Variants in OTUD7A observed in about 807,000 individuals in gnomAD.
The protein encoded by OTUD7A is OTU domain-containing protein 7A.
OTUD7A carries 12 observed loss-of-function variants against 65.7 expected under a neutral mutation model. The observed-to-expected ratio is 0.18, with a 90% confidence interval of 0.12 to 0.30. OTUD7A has a LOEUF of 0.30. Among genes scored for constraint, OTUD7A ranks in the 10% least tolerant of loss-of-function variants. OTUD7A has a pLI of 1.00. For missense variants in OTUD7A, 1,148 were observed against 1,304.8 expected (o/e 0.88, Z 1.85); for synonymous variants, 641 against 586.3 (o/e 1.09, Z -1.35).
intron 1 of OTUD7A, among the ~76,000 whole-genome samples, chr15:31,857,168 C>T (rs1897596796): frequency 6.6e-6 from 1 of 152,150 alleles, no homozygotes; most frequent in South Asian, 2.1e-4. Flanking sequence ...CTTGCCCCAG[C>T]CCTGAAGAAA....
intron 6 of OTUD7A, among the ~76,000 whole-genome samples, chr15:31,529,879 C>T (rs745525213): frequency 2.4e-4 from 36 of 152,144 alleles, no homozygotes; most frequent in African/African-American, 4.6e-4. Flanking sequence ...TTTGGAGAGG[C>T]GCTATCCTCC....
chr15:31,562,894 G>A (rs1239594606), intron 4 of OTUD7A, among the ~76,000 whole-genome samples: 2 of 152,108 alleles, frequency 1.3e-5, no homozygotes, highest in Non-Finnish European at 2.9e-5. Context: ...TCTGGGCCCT[G>A]ATTTAGAATA....
intron 1 of OTUD7A, among the ~76,000 whole-genome samples, chr15:31,749,768 G>T (rs1295505486): frequency 1.3e-5 from 2 of 151,622 alleles, no homozygotes; most frequent in African/African-American, 2.4e-5. Context: ...AAAGGAAGTC[G>T]AACTATCTCT....
intron 1 of OTUD7A, among the ~76,000 whole-genome samples, chr15:31,734,532 G>C (rs1342588191): frequency 1.3e-5 from 2 of 152,146 alleles, no homozygotes; most frequent in Non-Finnish European, 2.9e-5. Flanking sequence ...AGCCAAAACA[G>C]CATGGTACTG....
intron 5 of OTUD7A, among the ~76,000 whole-genome samples, chr15:31,531,830 C>A (rs373656766): frequency 3.9e-5 from 6 of 152,310 alleles, no homozygotes; most frequent in African/African-American, 1.4e-4. Flanking sequence ...TAATAAGCAC[C>A]TTGCCCTCTA....
In OTUD7A at chr15:31,487,781, C is replaced by A. The variant is rs1217989635; in HGVS notation, c.1172-215G>T. Among the ~76,000 whole-genome samples the A allele has an allele frequency of 6.6e-6, 1 of 152,212 alleles. No individual in the cohort carries two copies. The highest frequency in any genetic ancestry group is 2.1e-4 in the South Asian group (1 of 4,828). On this transcript the variant is annotated intron_variant, in intron 10 of 12. Transcript: ENST00000307050. This position sits in a 1 kb window ranked among gnomAD's most constrained non-coding sequence, Gnocchi z 6.0. ...AGTGGAGAGCAGTTGGAAGCGTCAC[C>A]TGGACCCTGGCTCTCTTTGGGTCTG...
intron 1 of OTUD7A, among the ~76,000 whole-genome samples, chr15:31,806,582 G>A (rs1896275841): frequency 6.6e-6 from 1 of 152,176 alleles, no homozygotes; most frequent in South Asian, 2.1e-4. Context: ...AAGCCAACAA[G>A]GACCCCCAAT....
At chr15:31,554,382 C>T (rs1024654543) in intron 5 of OTUD7A, among the ~76,000 whole-genome samples, 3 of 152,146 alleles carry the variant, frequency 2.0e-5, no homozygotes, top group Admixed American at 6.5e-5. Flanking sequence ...TCCATTTGGC[C>T]GCCGTTACAC....
At chr15:31,773,378 C>T (rs200015283) in intron 1 of OTUD7A, among the ~76,000 whole-genome samples, 1 of 152,192 alleles carries the variant, frequency 6.6e-6, no homozygotes, top group East Asian at 1.9e-4. Flanking sequence ...AAGGCACCTG[C>T]AGATTCCATG....
chr15:31,819,069 T>C (rs1259997815), intron 1 of OTUD7A, among the ~76,000 whole-genome samples: 2 of 152,172 alleles, frequency 1.3e-5, no homozygotes, highest in Non-Finnish European at 2.9e-5. Context: ...GAGTGGTCCA[T>C]GCATGTAGAG....
At chr15:31,757,009 T>TGG (rs1279401046) in intron 1 of OTUD7A, among the ~76,000 whole-genome samples, 1 of 152,148 alleles carries the variant, frequency 6.6e-6, no homozygotes, top group East Asian at 1.9e-4. Flanking sequence ...TCGGAGCCAC[T>TGG]GGAATGCCAC....
At chr15:31,760,552 C>T (rs1894933166) in intron 1 of OTUD7A, among the ~76,000 whole-genome samples, 1 of 152,166 alleles carries the variant, frequency 6.6e-6, no homozygotes, top group Admixed American at 6.5e-5. Context: ...CGTTGTCTTC[C>T]AGTTCCCAGT....
Position 31,483,186 on chromosome 15 carries a change from A to C in OTUD7A, c.*108T>G. The stretch of plus-strand genomic sequence containing the variant: ...CCAAACACGTACACGGCACTGACAG[A>C]GGAGGCGCCGGCCTTCCGGTGGACC... On this transcript the variant is annotated 3_prime_UTR_variant, in exon 13 of 13. Coordinates refer to ENST00000307050, the MANE Select transcript of OTUD7A (RefSeq NM_001382637.1). The C allele has an allele frequency of 1.0e-6, 1 of 988,032 alleles. No individual in the cohort carries two copies. Among genetic ancestry groups the C allele is most frequent in the Non-Finnish European group, 1.2e-6 (1 of 822,426 alleles). 61.2% of individuals were successfully genotyped at this position (988,032 alleles called of 1,614,324 possible).
chr15:31,584,227 G>A (rs536057970), intron 3 of OTUD7A, among the ~76,000 whole-genome samples: 96 of 152,294 alleles, frequency 6.3e-4, no homozygotes, highest in Non-Finnish European at 1.2e-3. Flanking sequence ...TAGCCATGGA[G>A]GCATTGATCC....
At chr15:31,531,476 T>A (rs1887618028) in intron 5 of OTUD7A, among the ~76,000 whole-genome samples, 1 of 116,858 alleles carries the variant, frequency 8.6e-6, no homozygotes, top group Admixed American at 1.2e-4. Flanking sequence ...GCCTCACATA[T>A]CCCAGATTAG....
At chr15:31,533,209 TG>T (rs1248551176) in intron 5 of OTUD7A, among the ~76,000 whole-genome samples, 1 of 151,778 alleles carries the variant, frequency 6.6e-6, no homozygotes, top group Non-Finnish European at 1.5e-5. Flanking sequence ...TTGGCTACCG[TG>T]TAGGCCAGAA....
chr15:31,568,663 C>T (rs80291617), intron 4 of OTUD7A, among the ~76,000 whole-genome samples: 9,656 of 152,226 alleles, frequency 0.063, 725 homozygotes, highest in African/African-American at 0.18. Flanking sequence ...AAATGCAATC[C>T]GCCATCTTGG....
intron 3 of OTUD7A, among the ~76,000 whole-genome samples, chr15:31,586,616 G>C (rs1204693219): frequency 6.6e-6 from 1 of 152,142 alleles, no homozygotes; most frequent in Non-Finnish European, 1.5e-5. Flanking sequence ...CTAAGGGGCA[G>C]TGTAAGTCTG....
rs966756713 is a variant in OTUD7A at position 31,766,176 on chromosome 15, C to T, written c.-100+104331G>A. ...ATCCATTAAGAAAGAAACTAATCTT[C>T]CAGCAAGAAGCTCATCAAGGTCCAC... On this transcript the variant is annotated intron_variant, in intron 1 of 12. Coordinates refer to ENST00000307050, the MANE Select transcript of OTUD7A (RefSeq NM_001382637.1). 16 of 1,494,558 alleles carry T rather than the reference C, an allele frequency of 1.1e-5. No individual in the cohort carries two copies. The African/African-American group carries it at 1.8e-4, about 17-fold the overall frequency. 92.6% of individuals were successfully genotyped at this position (1,494,558 alleles called of 1,614,324 possible).
Sources: allele counts gnomAD v4.1 joint callset (sites outside exome capture counted in the v4.1 genomes callset), GRCh38; gene constraint gnomAD v4.1.1; non-coding constraint Gnocchi (gnomAD v3.1); transcripts MANE v1.5; gene names NCBI Gene and HGNC (gene_info 2026-07-23, HGNC 2026-07-21).